The following CLASP1 variants were observed in gnomAD, a reference collection of about 807,000 sequenced individuals.
CLASP1 encodes the protein CLIP-associating protein 1.
A neutral mutation model predicts 192.3 loss-of-function variants in CLASP1; 38 were observed. The ratio of observed to expected loss-of-function variants is 0.20; its 90% confidence interval spans 0.15 to 0.26. The LOEUF (loss-of-function observed/expected upper bound fraction) is 0.26, where lower values mean the gene tolerates loss of function less well. CLASP1 is among the 10% of genes least tolerant of loss of function. CLASP1 has a pLI of 1.00. For missense variants in CLASP1, 1,433 were observed against 1,932.5 expected (o/e 0.74, Z 4.85); for synonymous variants, 691 against 712.8 (o/e 0.97, Z 0.49).
chr2:121,548,136 T>C (rs767987959), intron 2 of CLASP1, among the ~76,000 whole-genome samples: 8 of 152,088 alleles, frequency 5.3e-5, no homozygotes, highest in Non-Finnish European at 1.2e-4. Context: ...TTCATGAGAA[T>C]AGCAAAACTC....
chr2:121,381,840 C>A (rs1379076197), intron 33 of CLASP1, among the ~76,000 whole-genome samples: 1 of 152,130 alleles, frequency 6.6e-6, no homozygotes, highest in African/African-American at 2.4e-5. Flanking sequence ...ATGTCTTCTG[C>A]ACTTTAGACG....
At chr2:121,436,754 C>CT (rs1189946525) in intron 19 of CLASP1, among the ~76,000 whole-genome samples, 1 of 152,130 alleles carries the variant, frequency 6.6e-6, no homozygotes, top group Non-Finnish European at 1.5e-5. Flanking sequence ...ACCATCATCT[C>CT]TTCAAATATT....
rs141744366 is a variant in CLASP1 at position 121,592,406 on chromosome 2, T to C, written c.195+13295A>G. ...GGTTGCCTTAAACAATGTATGAATA[T>C]AAATGTACCTAAGTAACATTAATTT... On this transcript the variant is annotated intron_variant, in intron 2 of 39. Coordinates refer to ENST00000263710, the Ensembl canonical transcript of CLASP1. 8.1e-3 allele frequency among the ~76,000 whole-genome samples: 1,231 copies of C among 152,324 alleles called. 8 individuals are homozygous for C. The highest frequency in any genetic ancestry group is 0.013 in the Non-Finnish European group (907 of 68,040).
chr2:121,357,537 C>A lies in CLASP1; in HGVS notation c.4206+5635G>T, dbSNP rs75533543. 2.3e-3 allele frequency among the ~76,000 whole-genome samples: 343 copies of A among 152,254 alleles called. 4 individuals carry two copies. In the East Asian group the frequency reaches 0.025, roughly 11 times the overall value. On this transcript the variant is annotated intron_variant, in intron 37 of 39. Coordinates refer to ENST00000263710, the Ensembl canonical transcript of CLASP1. ...AACCCAGGCCTTCAAACCCCAAACT[C>A]AAAGGTTTTGACATTAAGTTATGGC...
chr2:121,595,375 G>A (rs531588066), intron 2 of CLASP1, among the ~76,000 whole-genome samples: 5 of 152,310 alleles, frequency 3.3e-5, no homozygotes, highest in Non-Finnish European at 7.4e-5. Flanking sequence ...ACATAATGGC[G>A]CTTAATAAGT....
chr2:121,353,750 C>T (rs973814161), intron 37 of CLASP1, among the ~76,000 whole-genome samples: 4 of 152,160 alleles, frequency 2.6e-5, no homozygotes, highest in African/African-American at 9.7e-5. Flanking sequence ...CAATAAATAG[C>T]TGTTGAACTA....
At position 121,623,915 on chromosome 2, in the gene CLASP1, A is replaced by G. The variant is rs1576551806; in HGVS notation, c.-285-17735T>C. On this transcript the variant is annotated intron_variant, in intron 1 of 39. Coordinates refer to ENST00000263710, the Ensembl canonical transcript of CLASP1. ...CAGTAGTGTCTTTCAAAGAATGCAT[A>G]TATTTCACATGTGTTATCTAACTTG... 2.6e-5 allele frequency among the ~76,000 whole-genome samples: 4 copies of G among 152,198 alleles called. No individual in the cohort carries two copies. The South Asian group carries it at 8.3e-4, about 32-fold the overall frequency.
chr2:121,364,907 G>T lies in CLASP1; in HGVS notation c.4077+187C>A, dbSNP rs1043967105. 2.1e-5 allele frequency: 13 copies of T among 630,966 alleles called. No individual in the cohort carries two copies. In the East Asian group the frequency reaches 2.5e-4, roughly 12 times the overall value. 39.1% of individuals were successfully genotyped at this position (630,966 alleles called of 1,614,324 possible). A position where few individuals can be genotyped will look rare whatever the true frequency, so the allele number is the denominator to read the frequency against. ...ATGCACGTAAGCCAAGCAGCAGCTT[G>T]TTGCTGATAAAAACATGACCTTACT... On this transcript the variant is annotated intron_variant, in intron 36 of 39. Transcript: ENST00000263710.
intron 39 of CLASP1, among the ~76,000 whole-genome samples, chr2:121,343,644 T>A (rs554891637): frequency 6.6e-6 from 1 of 152,136 alleles, no homozygotes; most frequent in Non-Finnish European, 1.5e-5. Flanking sequence ...AGTAGAAAGG[T>A]GGATGCCAGG....
chr2:121,506,629 C>T (rs1251254931), intron 7 of CLASP1, among the ~76,000 whole-genome samples: 2 of 152,116 alleles, frequency 1.3e-5, no homozygotes, highest in East Asian at 1.9e-4. Context: ...CAGGAAAGAC[C>T]CCTGAAGCCT....
At chr2:121,639,190 T>C (rs1028046092) in intron 1 of CLASP1, among the ~76,000 whole-genome samples, 6 of 151,750 alleles carry the variant, frequency 4.0e-5, no homozygotes, top group East Asian at 2.0e-4. Context: ...GGCAGGAGAA[T>C]GGCGTGAACC....
chr2:121,364,845 G>T (rs979468440), intron 36 of CLASP1: 1 of 517,148 alleles, frequency 1.9e-6, no homozygotes, highest in Non-Finnish European at 3.5e-6. Context: ...ATGCAGGAAT[G>T]AAGTTTCCTC....
At chr2:121,444,611 C>T (rs1234033042) in intron 19 of CLASP1, among the ~76,000 whole-genome samples, 1 of 152,052 alleles carries the variant, frequency 6.6e-6, no homozygotes, top group Non-Finnish European at 1.5e-5. Flanking sequence ...TAATAAAACC[C>T]AAGACAGGCA....
chr2:121,469,770 T>C (rs1328749283), intron 9 of CLASP1, 38 bp downstream of exon 9: 2 of 1,573,038 alleles, frequency 1.3e-6, no homozygotes, highest in African/African-American at 1.4e-5. Flanking sequence ...AAAGCTGGCA[T>C]AGCTGACCCC....
chr2:121,583,335 C>A (rs953305178), intron 2 of CLASP1, among the ~76,000 whole-genome samples: 1 of 152,160 alleles, frequency 6.6e-6, no homozygotes, highest in Non-Finnish European at 1.5e-5. Flanking sequence ...GCATGAAGGA[C>A]CATTCAAATT....
At chr2:121,447,410 T>A in exon 19 of CLASP1, 8 of 1,574,446 alleles carry the variant, frequency 5.1e-6, no homozygotes, top group Non-Finnish European at 6.0e-6. Context: ...ATGAGGAGAC[T>A]TTGGATTTGG....
At chr2:121,391,869 A>G (rs1176695829) in intron 30 of CLASP1, among the ~76,000 whole-genome samples, 1 of 152,146 alleles carries the variant, frequency 6.6e-6, no homozygotes, top group Non-Finnish European at 1.5e-5. Context: ...GTGCCACTGT[A>G]CTCCAGCCTG....
At chr2:121,408,535 T>C (rs1163279000) in intron 24 of CLASP1, among the ~76,000 whole-genome samples, 4 of 152,202 alleles carry the variant, frequency 2.6e-5, no homozygotes, top group Non-Finnish European at 4.4e-5. Flanking sequence ...ACCATACAAA[T>C]ATACTTCTTT....
exon 21 of CLASP1, chr2:121,427,424 C>T: frequency 1.9e-6 from 3 of 1,612,980 alleles, no homozygotes; most frequent in Non-Finnish European, 2.5e-6. Flanking sequence ...ATTAGCAGAT[C>T]TGGATCCTTG....
Sources: gnomAD v4.1 joint callset for allele counts (sites outside exome capture counted in the v4.1 genomes callset) on GRCh38, gnomAD v4.1.1 for gene constraint, MANE v1.5 for transcripts, NCBI Gene and HGNC (gene_info 2026-07-23, HGNC 2026-07-21) for gene names.